Variants in TOP2B observed in about 807,000 individuals in gnomAD.
TOP2B encodes DNA topoisomerase 2-beta.
TOP2B carries 51 observed loss-of-function variants against 193.5 expected under a neutral mutation model. The observed-to-expected ratio is 0.26, with a 90% CI of 0.21 to 0.33. The LOEUF (loss-of-function observed/expected upper bound fraction) is 0.33. TOP2B is among the 10% of genes least tolerant of loss of function. The probability of loss-of-function intolerance (pLI) is 1.00; values close to 1 mark genes in which losing one functional copy is unlikely to be tolerated. For missense variants in TOP2B, 1,378 were observed against 1,909.3 expected (o/e 0.72, Z 5.19); for synonymous variants, 634 against 635.7 (o/e 1.00, Z 0.04).
At chr3:25,600,122 G>A (rs1286742) in intron 34 of TOP2B, among the ~76,000 whole-genome samples, 2 of 152,102 alleles carry the variant, frequency 1.3e-5, no homozygotes, top group African/African-American at 2.4e-5. Context: ...CTCAGACCTA[G>A]ACTCAGCACA....
intron 33 of TOP2B, among the ~76,000 whole-genome samples, chr3:25,601,518 C>T (rs1353025116): frequency 6.6e-6 from 1 of 152,102 alleles, no homozygotes; most frequent in Non-Finnish European, 1.5e-5. Flanking sequence ...ACTTGGGAGG[C>T]TGAGGCAGGA....
Position 25,598,271 on chromosome 3 carries a change from G to GAT in TOP2B, c.*34_*35dup, listed in dbSNP as rs1559487683. On this transcript the variant is annotated 3_prime_UTR_variant, in exon 36 of 36. Transcript: ENST00000264331. ...CAGAGAAGACAAAAGGACAACACAA[G>GAT]ATATTTGTTGAAAAATGTTTGTGCT... 3 of 1,570,274 alleles carry GAT rather than the reference G, an allele frequency of 1.9e-6. No homozygotes were observed. Among genetic ancestry groups the GAT allele is most frequent in the Admixed American group, 3.5e-5 (2 of 56,584 alleles).
chr3:25,609,795 G>A (rs918335567), intron 28 of TOP2B, 83 bp from the exon 29 acceptor site: 65 of 1,324,654 alleles, frequency 4.9e-5, no homozygotes, highest in South Asian at 4.7e-4. Context: ...AACAGATAGC[G>A]CCTTCAAATC....
chr3:25,620,966 T>A (rs1045634845), intron 21 of TOP2B, 150 bp from the exon 22 acceptor site: 1 of 804,376 alleles, frequency 1.2e-6, no homozygotes, highest in African/African-American at 1.7e-5. Flanking sequence ...CTTGAATTCA[T>A]AGCTTCTGTT....
At chr3:25,646,185 G>A (rs770433492) in intron 1 of TOP2B, among the ~76,000 whole-genome samples, 15 of 152,108 alleles carry the variant, frequency 9.9e-5, no homozygotes, top group African/African-American at 1.7e-4. Context: ...GCTTCCAGAT[G>A]TAAGCTTCCC....
Position 25,609,721 on chromosome 3 carries a change from TAAAA to T in TOP2B, c.3787-13_3787-10del. On this transcript the variant is annotated splice_polypyrimidine_tract_variant and intron_variant, in intron 28 of 35. Coordinates refer to ENST00000264331, the MANE Select transcript of TOP2B (RefSeq NM_001330700.2). ...GCAGTATCAAGATCACCCTACATAA[TAAAA>T]AGAAAATCAAGCCACGAGTAAAAAT... is the stretch of plus-strand genomic sequence containing the variant. The T allele has an allele frequency of 7.0e-7, 1 of 1,424,876 alleles. No individual in the cohort carries two copies. Among genetic ancestry groups the T allele is most frequent in the Non-Finnish European group, 9.2e-7 (1 of 1,089,668 alleles). 88.3% of individuals were successfully genotyped at this position (1,424,876 alleles called of 1,614,324 possible).
rs139778767 is a variant in TOP2B, at chr3:25,598,283, A to G, written c.*24T>C. The G allele has an allele frequency of 6.1e-5, 97 of 1,582,006 alleles. No individual in the cohort carries two copies. In the African/African-American group the frequency reaches 1.2e-3, roughly 19 times the overall value. ...AAGGACAACACAAGATATTTGTTGA[A>G]AAATGTTTGTGCTCTTTGGGCACTT... On this transcript the variant is annotated 3_prime_UTR_variant, in exon 36 of 36. Transcript: ENST00000264331.
In TOP2B at chr3:25,612,717, A is replaced by G; in HGVS notation, c.3592-8T>C. 1 of 1,611,052 alleles carries G rather than the reference A, an allele frequency of 6.2e-7. No homozygotes were observed. Among genetic ancestry groups the G allele is most frequent in the Non-Finnish European group, 8.5e-7 (1 of 1,177,950 alleles). ...TTCTTGAGATTCCACTTTCTAAAGT[A>G]TAATCATAAGGCAGAAGGAACATAA... On this transcript the variant is annotated splice_polypyrimidine_tract_variant and splice_region_variant and intron_variant, in intron 27 of 35. Coordinates refer to ENST00000264331, the MANE Select transcript of TOP2B (RefSeq NM_001330700.2).
At chr3:25,614,043 A>G (rs149362004) in intron 27 of TOP2B, among the ~76,000 whole-genome samples, 29 of 152,350 alleles carry the variant, frequency 1.9e-4, no homozygotes, top group African/African-American at 6.5e-4. Flanking sequence ...TAAATGATAC[A>G]GAGAGACATG....
Position 25,601,110 on chromosome 3 carries a change from T to G in TOP2B, c.4605A>C (p.Thr1535=), listed in dbSNP as rs1366683100. 1 of 1,613,682 alleles carries G rather than the reference T, an allele frequency of 6.2e-7. No individual in the cohort carries two copies. The highest frequency in any genetic ancestry group is 1.1e-5 in the South Asian group (1 of 91,072). ...GAAGATAATCCTCACCTTTTGGTGT[T>G]GTAGTCTTCTTTGGAATGCCAAATT... The part of the protein sequence containing the change: ...DSEFGIPKKT[T]TPKGKGRGAK... The change falls in exon 34 of 36, where the codon ACA becomes ACC. Residue 1535 remains threonine, a synonymous_variant. Coordinates refer to ENST00000264331, the MANE Select transcript of TOP2B (RefSeq NM_001330700.2).
At chr3:25,639,211 A>T (rs903747448) in intron 4 of TOP2B, among the ~76,000 whole-genome samples, 1 of 152,228 alleles carries the variant, frequency 6.6e-6, no homozygotes, top group African/African-American at 2.4e-5. Context: ...TGAGTATGCA[A>T]TATTTTTTGA....
intron 29 of TOP2B, 80 bp downstream of exon 29, chr3:25,609,488 G>C: frequency 6.0e-6 from 9 of 1,507,670 alleles, no homozygotes; most frequent in Non-Finnish European, 8.0e-6. Context: ...CAGAAAAAGA[G>C]CACAATCAAA....
chr3:25,599,448 T>C lies in TOP2B; in HGVS notation c.4697A>G (p.Lys1566Arg), dbSNP rs2125338767. ...GDYNPGRKTS[K>R]TTSKKPKKTS... ...GTTCCCGGTTACCTTGCTTGTTGTT[T>C]TGGATGTTTTCCTGCCAGGGTTATA... Residue 1566 changes from lysine to arginine, a missense_variant, in exon 35 of 36, where the codon AAA becomes AGA. Around this residue, in one of 9 missense-constraint regions of TOP2B, gnomAD observed 556 missense variants for 584.2 expected, o/e 0.95. Coordinates refer to ENST00000264331, the MANE Select transcript of TOP2B (RefSeq NM_001330700.2). 1.2e-6 allele frequency: 2 copies of C among 1,613,470 alleles called. No individual in the cohort carries two copies. Among genetic ancestry groups the C allele is most frequent in the Non-Finnish European group, 1.7e-6 (2 of 1,179,616 alleles).
intron 27 of TOP2B, 74 bp from the exon 28 acceptor site, chr3:25,612,783 T>A (rs1702409420): frequency 4.5e-6 from 5 of 1,105,726 alleles, no homozygotes; most frequent in Non-Finnish European, 6.6e-6. Flanking sequence ...CATAAAATAC[T>A]GAAACAAATG....
rs114088241 is a variant in TOP2B, at chr3:25,635,489, G to A, written c.852+447C>T. Among the ~76,000 whole-genome samples the A allele has an allele frequency of 5.7e-3, 875 of 152,208 alleles. 14 individuals are homozygous for A. Among genetic ancestry groups the A allele is most frequent in the African/African-American group, 0.02 (837 of 41,556 alleles). ...ATCTAATGGAAAATGTAGACAATAT[G>A]CAACTTCAGCAAAGACATGTAAACT... On this transcript the variant is annotated intron_variant, in intron 7 of 35. Transcript: ENST00000264331.
Position 25,630,307 on chromosome 3 carries a change from C to G in TOP2B, c.1563+5G>C. 1 of 1,550,766 alleles carries G rather than the reference C, an allele frequency of 6.4e-7. No individual in the cohort carries two copies. The highest frequency in any genetic ancestry group is 8.7e-7 in the Non-Finnish European group (1 of 1,146,428). ...ATACACATATATATACACACACATACATACCTGTTTATGAGAAGCTTCCCG... is the reference window on the plus strand; with the variant it reads ...ATACACATATATATACACACACATAGATACCTGTTTATGAGAAGCTTCCCG... On this transcript the variant is annotated splice_donor_5th_base_variant and intron_variant, in intron 12 of 35. Coordinates refer to ENST00000264331, the MANE Select transcript of TOP2B (RefSeq NM_001330700.2).
In TOP2B at chr3:25,640,265, T is replaced by C. The variant is rs187261434; in HGVS notation, c.396-1955A>G. On this transcript the variant is annotated intron_variant, in intron 4 of 35. Transcript: ENST00000264331. ...GAAATACAATATACAAATCAGCAAC[T>C]TCTCACAAAATGCTTGCCTACTGCC... is the stretch of plus-strand genomic sequence containing the variant. Among the ~76,000 whole-genome samples the C allele has an allele frequency of 2.6e-3, 403 of 152,296 alleles. 3 individuals are homozygous for C. Among genetic ancestry groups the C allele is most frequent in the Non-Finnish European group, 3.8e-3 (258 of 68,026 alleles).
intron 21 of TOP2B, among the ~76,000 whole-genome samples, chr3:25,622,597 T>C (rs763120057): frequency 6.6e-6 from 1 of 150,676 alleles, no homozygotes; most frequent in Non-Finnish European, 1.5e-5. Context: ...CTGAGCAGAG[T>C]GAATGATACA....
intron 33 of TOP2B, 115 bp downstream of exon 33, chr3:25,604,645 T>C (rs1024988049): frequency 2.4e-6 from 2 of 849,254 alleles, no homozygotes; most frequent in South Asian, 1.6e-5. Context: ...TAAGCACTTA[T>C]ACTTCTTAAT....
Sources: allele counts gnomAD v4.1 joint callset (sites outside exome capture counted in the v4.1 genomes callset), GRCh38; gene constraint gnomAD v4.1.1; regional missense constraint gnomAD v4.1.1; transcripts MANE v1.5; gene names NCBI Gene and HGNC (gene_info 2026-07-23, HGNC 2026-07-21).